The following XKR4 variants were observed in gnomAD, a reference collection of about 807,000 sequenced individuals.
XKR4 encodes the protein XK-related protein 4.
XKR4 carries 12 observed loss-of-function variants against 53.9 expected under a neutral mutation model. The observed-to-expected ratio is 0.22, with a 90% CI of 0.14 to 0.36. The LOEUF is 0.36. Ranked by LOEUF, XKR4 falls within the 10% of genes least tolerant of loss-of-function variation. XKR4 has a pLI of 1.00. For synonymous variants in XKR4, 354 were observed against 362.4 expected (o/e 0.98, Z 0.26); for missense variants, 799 against 859.5 (o/e 0.93, Z 0.88).
intron 1 of XKR4, among the ~76,000 whole-genome samples, chr8:55,137,442 C>T (rs143317902): frequency 2.2e-4 from 33 of 152,096 alleles, no homozygotes; most frequent in African/African-American, 7.2e-4. Flanking sequence ...TAGCAGGTTT[C>T]CTCAAGGTCT....
At chr8:55,123,264 T>G (rs903640046) in intron 1 of XKR4, among the ~76,000 whole-genome samples, 1 of 152,210 alleles carries the variant, frequency 6.6e-6, no homozygotes, top group African/African-American at 2.4e-5. Flanking sequence ...ATCAGCAAAT[T>G]ATTAGAGGAC....
At chr8:55,208,507 C>T (rs1817680467) in intron 1 of XKR4, among the ~76,000 whole-genome samples, 1 of 151,590 alleles carries the variant, frequency 6.6e-6, no homozygotes, top group African/African-American at 2.4e-5. Context: ...CTGAGTCTTG[C>T]TGTATCACCC....
intron 1 of XKR4, among the ~76,000 whole-genome samples, chr8:55,247,809 C>T (rs1242397071): frequency 1.4e-5 from 2 of 138,440 alleles, no homozygotes; most frequent in African/African-American, 5.0e-5. Context: ...TACAGAACCA[C>T]TTACATTATT....
Position 55,523,459 on chromosome 8 carries a change from G to C in XKR4, c.1185G>C (p.Ser395=). 1 of 1,614,188 alleles carries C rather than the reference G, an allele frequency of 6.2e-7. No homozygotes were observed. The highest frequency in any genetic ancestry group is 8.5e-7 in the Non-Finnish European group (1 of 1,180,036). The change falls in exon 3 of 3, where the codon TCG becomes TCC. Residue 395 remains serine (S), a synonymous_variant. Coordinates refer to ENST00000327381, the MANE Select transcript of XKR4 (RefSeq NM_052898.2). ...ARVITFALFA[S]VFQLYFGIFI... is the part of the protein sequence containing the mutation. ...TCATCACGTTTGCCCTCTTTGCCTCGGTTTTCCAGCTGTACTTTGGGATCT... is the reference window on the plus strand; with the variant it reads ...TCATCACGTTTGCCCTCTTTGCCTCCGTTTTCCAGCTGTACTTTGGGATCT...
chr8:55,416,794 T>A (rs963957959), intron 2 of XKR4, among the ~76,000 whole-genome samples: 32 of 152,170 alleles, frequency 2.1e-4, no homozygotes, highest in African/African-American at 7.5e-4. Context: ...CCACAGCGAT[T>A]CTCTATGAAT....
chr8:55,185,867 G>A lies in XKR4; in HGVS notation c.806+82573G>A, dbSNP rs187667082. ...CCCTACCACTTTTGATCATTCTGGG[G>A]ACTTCATGCAGTCAAATTATTGTTA... On this transcript the variant is annotated intron_variant, in intron 1 of 2. Coordinates refer to ENST00000327381, the MANE Select transcript of XKR4 (RefSeq NM_052898.2). 2.5e-3 allele frequency among the ~76,000 whole-genome samples: 374 copies of A among 152,168 alleles called. 3 individuals are homozygous for A. The highest frequency in any genetic ancestry group is 8.6e-3 in the African/African-American group (356 of 41,508).
chr8:55,185,871 T>C (rs1817370629), intron 1 of XKR4, among the ~76,000 whole-genome samples: 1 of 152,196 alleles, frequency 6.6e-6, no homozygotes, highest in Non-Finnish European at 1.5e-5. Flanking sequence ...TCTGGGGACT[T>C]CATGCAGTCA....
intron 1 of XKR4, among the ~76,000 whole-genome samples, chr8:55,289,580 GAAGAAAGAAAGAGAAAGAAAGA>G (rs1452171118): frequency 0.023 from 1,962 of 85,964 alleles, 55 homozygotes; most frequent in East Asian, 0.085. Flanking sequence ...AGAGAGAAAG[GAAGAAAGAAAGAGAAAGAAAGA>G]AAGAAAGAAA....
chr8:55,283,593 C>T (rs1818868824), intron 1 of XKR4, among the ~76,000 whole-genome samples: 1 of 152,186 alleles, frequency 6.6e-6, no homozygotes, highest in Admixed American at 6.5e-5. Flanking sequence ...TTCTGACAGC[C>T]AGGGCTATTT....
At chr8:55,423,575 G>T (rs1804969026) in intron 2 of XKR4, among the ~76,000 whole-genome samples, 1 of 152,070 alleles carries the variant, frequency 6.6e-6, no homozygotes, top group Non-Finnish European at 1.5e-5. Context: ...CACTTTCTTT[G>T]GGAAGCCATG....
At chr8:55,365,963 G>A (rs987890592) in intron 2 of XKR4, among the ~76,000 whole-genome samples, 3 of 152,190 alleles carry the variant, frequency 2.0e-5, no homozygotes, top group East Asian at 1.9e-4. Flanking sequence ...GCCAGGCAGC[G>A]AGGGAGTGGG....
chr8:55,455,980 TAATC>T (rs1360135965), intron 2 of XKR4, among the ~76,000 whole-genome samples: 5 of 152,244 alleles, frequency 3.3e-5, no homozygotes, highest in Admixed American at 3.3e-4. Flanking sequence ...GGAAATTACT[TAATC>T]AACAACAACA....
At chr8:55,425,381 C>T (rs530563467) in intron 2 of XKR4, among the ~76,000 whole-genome samples, 7 of 146,720 alleles carry the variant, frequency 4.8e-5, no homozygotes, top group African/African-American at 1.2e-4. Flanking sequence ...GTTCTTGCCC[C>T]GTTGTTTGTT....
chr8:55,419,647 G>A (rs1453482644), intron 2 of XKR4, among the ~76,000 whole-genome samples: 1 of 152,166 alleles, frequency 6.6e-6, no homozygotes, highest in Non-Finnish European at 1.5e-5. Context: ...CTGAGACCTA[G>A]TTAGGGTCCT....
At chr8:55,266,454 T>C (rs999027186) in intron 1 of XKR4, among the ~76,000 whole-genome samples, 2 of 151,982 alleles carry the variant, frequency 1.3e-5, no homozygotes, top group African/African-American at 4.8e-5. Flanking sequence ...AAGAGGGTAA[T>C]AGAGCAGAAA....
intron 1 of XKR4, among the ~76,000 whole-genome samples, chr8:55,199,846 T>C (rs1817555991): frequency 6.6e-6 from 1 of 152,248 alleles, no homozygotes; most frequent in African/African-American, 2.4e-5. Context: ...TTGCATTGTT[T>C]TTTAATTTTC....
At chr8:55,393,400 TA>T (rs1471944736) in intron 2 of XKR4, among the ~76,000 whole-genome samples, 1 of 135,162 alleles carries the variant, frequency 7.4e-6, no homozygotes, top group Non-Finnish European at 1.6e-5. Flanking sequence ...ATATACTTCT[TA>T]AGAAGGAAGG....
intron 2 of XKR4, among the ~76,000 whole-genome samples, chr8:55,362,447 A>G (rs1191739968): frequency 1.3e-5 from 2 of 152,210 alleles, no homozygotes; most frequent in Admixed American, 1.3e-4. Context: ...CCTGGTGACA[A>G]TAAAATCAAG....
chr8:55,102,537 G>A lies in XKR4; in HGVS notation c.49G>A (p.Val17Met). 1 of 1,550,316 alleles carries A rather than the reference G, an allele frequency of 6.5e-7. No homozygotes were observed. The highest frequency in any genetic ancestry group is 8.7e-7 in the Non-Finnish European group (1 of 1,144,548). ...GRLKMKKSSDVAFTPLQNSDH... is the reference protein window; with the variant it reads ...GRLKMKKSSDMAFTPLQNSDH... ...GCTGAAAATGAAGAAAAGCAGCGAC[G>A]TGGCGTTCACCCCGCTGCAGAACTC... The change falls in exon 1 of 3, where the codon GTG becomes ATG. Residue 17 changes from valine (V) to methionine (M), a missense_variant. Physicochemically the swap from Val to Met is conservative, Grantham distance 21 (BLOSUM62 1). Around this residue, in one of 3 missense-constraint regions of XKR4, gnomAD observed 476 missense variants for 505.4 expected, o/e 0.94. Coordinates refer to ENST00000327381, the MANE Select transcript of XKR4 (RefSeq NM_052898.2). This position sits in a 1 kb window ranked among gnomAD's most constrained non-coding sequence, Gnocchi z 5.1.
Sources: allele counts gnomAD v4.1 joint callset (sites outside exome capture counted in the v4.1 genomes callset), GRCh38; gene constraint gnomAD v4.1.1; regional missense constraint gnomAD v4.1.1; non-coding constraint Gnocchi (gnomAD v3.1); transcripts MANE v1.5; gene names NCBI Gene and HGNC (gene_info 2026-07-23, HGNC 2026-07-21).